The following GAK variants were observed in gnomAD, a reference collection of about 807,000 sequenced individuals.
The protein encoded by GAK is cyclin-G-associated kinase.
GAK carries 79 observed loss-of-function variants against 143.9 expected under a neutral mutation model. The observed-to-expected ratio is 0.55, with a 90% CI of 0.46 to 0.66. The LOEUF is 0.66. Among genes scored for constraint, GAK ranks in the 30% least tolerant of loss-of-function variants. The pLI, the probability that GAK is intolerant of heterozygous loss-of-function variation, is 0.00. For synonymous variants in GAK, 881 were observed against 765.5 expected, an observed-to-expected ratio of 1.15 and a Z score of -2.49; for missense variants, 1,693 against 1,779.7, an observed-to-expected ratio of 0.95 and a Z score of 0.88.
intron 9 of GAK, among the ~76,000 whole-genome samples, chr4:891,809 TA>T (rs1374951724): frequency 5.9e-5 from 9 of 152,122 alleles, no homozygotes; most frequent in African/African-American, 1.7e-4. Flanking sequence ...CCCAGGCTGC[TA>T]AAGAGCAGGA....
chr4:911,598 G>T, intron 4 of GAK, 75 bp downstream of exon 4: 1 of 973,266 alleles, frequency 1.0e-6, no homozygotes, highest in Non-Finnish European at 1.6e-6. Context: ...TCACAGCCAT[G>T]CAGCTGGGTT....
At chr4:869,678 C>T (rs1312381690) in intron 19 of GAK, 1 of 150,642 alleles carries the variant, frequency 6.6e-6, no homozygotes, top group African/African-American at 2.5e-5. Context: ...ACAGCACATA[C>T]ACACATGCAG....
rs745660937 is a variant in GAK, at chr4:859,627, C to T, written c.3262G>A (p.Asp1088Asn). 5 of 1,598,920 alleles carry T rather than the reference C, an allele frequency of 3.1e-6. No homozygotes were observed. Among genetic ancestry groups the T allele is most frequent in the Admixed American group, 1.7e-5 (1 of 59,736 alleles). The change falls in exon 24 of 28, where the codon GAC (aspartate) becomes AAC (asparagine). Residue 1088 changes from aspartate (D) to asparagine (N), a missense_variant. By Grantham distance (23) the Asp-to-Asn change is conservative. Coordinates refer to ENST00000314167, the MANE Select transcript of GAK (RefSeq NM_005255.4). Reference sequence around the variant, plus strand: ...TTACCTTGGAGGCCGGAGCTGAGGTCGCCAAGGTCAGCAAATGGGTCCGGG... The same window carrying T: ...TTACCTTGGAGGCCGGAGCTGAGGTTGCCAAGGTCAGCAAATGGGTCCGGG... ...QNPDPFADLG[D>N]LSSGLQGSPA...
rs567572883 is a variant in GAK at position 912,738 on chromosome 4, G to C, written c.264C>G (p.Phe88Leu). 3 of 1,613,572 alleles carry C rather than the reference G, an allele frequency of 1.9e-6. No homozygotes were observed. Among genetic ancestry groups the C allele is most frequent in the East Asian group, 4.5e-5 (2 of 44,868 alleles). The change falls in exon 3 of 28, where the codon TTC (phenylalanine) becomes TTG (leucine). Residue 88 changes from phenylalanine to leucine, a missense_variant. Around this residue, in one of 2 missense-constraint regions of GAK, gnomAD observed 871 missense variants for 991.0 expected, o/e 0.88. Coordinates refer to ENST00000314167, the MANE Select transcript of GAK (RefSeq NM_005255.4). The part of the protein sequence containing the change: ...KNRAIIQEVC[F>L]MKKLSGHPNI... ...CCTGGTTCCAGGAAAAGGATACCAT[G>C]AAGCAAACTTCTTGAATGATGGCTC... is the stretch of plus-strand genomic sequence containing the variant.
intron 5 of GAK, among the ~76,000 whole-genome samples, chr4:904,176 G>A (rs905641129): frequency 6.6e-6 from 1 of 151,568 alleles, no homozygotes; most frequent in Non-Finnish European, 1.5e-5. Flanking sequence ...AGTGGGACCC[G>A]CACACAGAGG....
chr4:925,879 G>A (rs770933149), intron 1 of GAK, among the ~76,000 whole-genome samples: 1 of 152,194 alleles, frequency 6.6e-6, no homozygotes, highest in African/African-American at 2.4e-5. Context: ...CAGCACAGAC[G>A]GACTGGGACA....
At chr4:906,523 C>A (rs534403002) in intron 4 of GAK, among the ~76,000 whole-genome samples, 1 of 152,268 alleles carries the variant, frequency 6.6e-6, no homozygotes, top group African/African-American at 2.4e-5. Flanking sequence ...CACCCCAGCA[C>A]CCCTATGCAG....
intron 19 of GAK, chr4:870,080 ACACACCACTCGTG>A (rs1712207647): frequency 6.5e-6 from 1 of 154,774 alleles, no homozygotes; most frequent in African/African-American, 2.4e-5. Context: ...ACATGAATGC[ACACACCACTCGTG>A]CACACACACA....
At chr4:894,139 C>CGCAGGGGT (rs1718259672) in intron 7 of GAK, 130 bp from the exon 8 acceptor site, 1 of 1,094,036 alleles carries the variant, frequency 9.1e-7, no homozygotes, top group African/African-American at 1.7e-5. Context: ...CCGTGGGGAG[C>CGCAGGGGT]GCAGGGGTGA....
At chr4:904,265 C>T (rs1408292471) in intron 5 of GAK, among the ~76,000 whole-genome samples, 2 of 126,416 alleles carry the variant, frequency 1.6e-5, no homozygotes, top group South Asian at 2.7e-4. Context: ...GAGCGGGACC[C>T]GCACACAGAG....
At chr4:925,691 C>T (rs1057315794) in intron 1 of GAK, among the ~76,000 whole-genome samples, 2 of 152,158 alleles carry the variant, frequency 1.3e-5, no homozygotes, top group African/African-American at 4.8e-5. Context: ...GGGATTACTG[C>T]CCCAGAGAGC....
chr4:900,945 G>A lies in GAK; in HGVS notation c.526-2787C>T, dbSNP rs533955919. On this transcript the variant is annotated intron_variant, in intron 5 of 27. Transcript: ENST00000314167. ...GGGGCTCAGGAGCAGGCTCTATGGC[G>A]GTGCCCACAGGCTTCTGCCATGGGG... 1.5e-4 allele frequency among the ~76,000 whole-genome samples: 23 copies of A among 152,278 alleles called. No homozygotes were observed. The East Asian group carries it at 4.3e-3, about 28-fold the overall frequency.
intron 1 of GAK, 153 bp from the exon 2 acceptor site, chr4:913,821 G>T (rs1441856682): frequency 2.2e-6 from 1 of 453,228 alleles, no homozygotes; most frequent in Non-Finnish European, 3.9e-6. Context: ...CACGCCCCCC[G>T]CAAACACAGC....
chr4:914,432 G>A (rs1320346869), intron 1 of GAK, among the ~76,000 whole-genome samples: 5 of 73,046 alleles, frequency 6.8e-5, no homozygotes, highest in Non-Finnish European at 7.4e-5. Flanking sequence ...CACAGCCCCA[G>A]CGTGCACGGC....
At chr4:923,003 C>G (rs1025132241) in intron 1 of GAK, among the ~76,000 whole-genome samples, 1 of 152,168 alleles carries the variant, frequency 6.6e-6, no homozygotes, top group Non-Finnish European at 1.5e-5. Flanking sequence ...CTGAAGAATT[C>G]TGCACTTCCC....
chr4:891,230 G>C (rs1717589309), intron 9 of GAK, among the ~76,000 whole-genome samples: 1 of 151,706 alleles, frequency 6.6e-6, no homozygotes, highest in Non-Finnish European at 1.5e-5. Flanking sequence ...CAAAGTGCTA[G>C]GATTACAGGC....
intron 22 of GAK, among the ~76,000 whole-genome samples, chr4:865,978 G>T (rs534944236): frequency 6.6e-6 from 1 of 152,204 alleles, no homozygotes; most frequent in African/African-American, 2.4e-5. Flanking sequence ...TCAGCTTCCC[G>T]GACCCTGGGT....
intron 25 of GAK, 139 bp downstream of exon 25, chr4:851,611 C>A: frequency 1.2e-6 from 1 of 823,014 alleles, no homozygotes; most frequent in Non-Finnish European, 2.0e-6. Context: ...ACATCGGAAA[C>A]CGCGTCGTTC....
intron 24 of GAK, chr4:853,581 C>G (rs1376171304): frequency 1.3e-5 from 2 of 152,164 alleles, no homozygotes; most frequent in African/African-American, 4.8e-5. Context: ...GTGAGGCACG[C>G]GGCTCGTCCC....
Sources: gnomAD v4.1 joint callset for allele counts (sites outside exome capture counted in the v4.1 genomes callset) on GRCh38, gnomAD v4.1.1 for gene constraint, gnomAD v4.1.1 regional missense constraint, MANE v1.5 for transcripts, NCBI Gene and HGNC (gene_info 2026-07-23, HGNC 2026-07-21) for gene names.